Variants in DNAH7 observed in about 807,000 individuals in gnomAD.
DNAH7 encodes the protein axonemal beta dynein heavy chain 7.
In DNAH7, 397 loss-of-function variants were observed where a neutral mutation model predicts 444.6. That is an observed-to-expected ratio of 0.89 (90% CI 0.82 to 0.97). DNAH7 has a LOEUF of 0.97. Among genes scored for constraint, DNAH7 ranks in the 50% least tolerant of loss-of-function variants. DNAH7 has a pLI of 0.00. For synonymous variants in DNAH7, 1,636 were observed against 1,624.4 expected, an observed-to-expected ratio of 1.01 and a Z score of -0.17; for missense variants, 4,902 against 4,800.8, an observed-to-expected ratio of 1.02 and a Z score of -0.62.
intron 10 of DNAH7, among the ~76,000 whole-genome samples, chr2:196,009,045 C>T (rs1694561010): frequency 6.6e-6 from 1 of 152,100 alleles, no homozygotes; most frequent in South Asian, 2.1e-4. Flanking sequence ...AGGAAGGTGC[C>T]ATACACTTTT....
rs541586936 is a variant in DNAH7 at position 195,981,711 on chromosome 2, G to A, written c.1833+2921C>T. ...GAAAAATGCCAAGAACATACCTTGG[G>A]ATAAGGACAGTCTCTTCAATAAATG... is the stretch of plus-strand genomic sequence containing the variant. On this transcript the variant is annotated intron_variant, in intron 15 of 64. Transcript: ENST00000312428. 5.3e-5 allele frequency among the ~76,000 whole-genome samples: 8 copies of A among 152,262 alleles called. No individual in the cohort carries two copies. The East Asian group carries it at 1.4e-3, about 26-fold the overall frequency.
rs765358431 is a variant in DNAH7 at position 195,796,731 on chromosome 2, C to G, written c.10360G>C (p.Gly3454Arg). The G allele has an allele frequency of 3.1e-6, 5 of 1,613,686 alleles. No individual in the cohort carries two copies. The highest frequency in any genetic ancestry group is 2.5e-6 in the Non-Finnish European group (3 of 1,179,796). ...GATAAAGAGCTAAGTTTTGATCCCC[C>G]ATATCCCTGTGTACAAGAATAGTAG... ...LLKFADDQGY[G>R]GSKLSSLSLG... is the part of the protein sequence containing the mutation. Residue 3454 changes from glycine (G) to arginine (R), a missense_variant, in exon 56 of 65, where the codon GGG becomes CGG. Physicochemically the swap from Gly to Arg is moderately radical, Grantham distance 125. Coordinates refer to ENST00000312428, the MANE Select transcript of DNAH7 (RefSeq NM_018897.3).
intron 55 of DNAH7, among the ~76,000 whole-genome samples, chr2:195,798,537 A>ATTTTTTTTT (rs754058331): frequency 9.3e-6 from 1 of 107,468 alleles, no homozygotes; most frequent in African/African-American, 3.5e-5. Context: ...AAATAGTAGA[A>ATTTTTTTTT]TTTTTTTTTT....
chr2:195,965,071 T>C (rs1218295217), intron 17 of DNAH7, among the ~76,000 whole-genome samples: 1 of 152,180 alleles, frequency 6.6e-6, no homozygotes, highest in Non-Finnish European at 1.5e-5. Context: ...TTCTTTCAGT[T>C]TTTCCCCATT....
At chr2:195,778,669 T>TATATATATACAC (rs1446625777) in intron 58 of DNAH7, among the ~76,000 whole-genome samples, 4 of 64,064 alleles carry the variant, frequency 6.2e-5, no homozygotes, top group African/African-American at 1.6e-4. Context: ...TATATATATA[T>TATATATATACAC]ACACACACAC....
chr2:195,778,618 G>GGAAAA (rs1365539221), intron 58 of DNAH7, among the ~76,000 whole-genome samples: 1,060 of 21,666 alleles, frequency 0.049, 94 homozygotes, highest in African/African-American at 0.053. Flanking sequence ...GACCCTGTCT[G>GGAAAA]AAAAAAAAAA....
intron 43 of DNAH7, among the ~76,000 whole-genome samples, chr2:195,857,972 T>C (rs1324875082): frequency 6.6e-6 from 1 of 152,158 alleles, no homozygotes; most frequent in East Asian, 1.9e-4. Context: ...CTTTCACATC[T>C]TAACTTTTAA....
At chr2:195,889,257 C>T (rs1416956558) in intron 31 of DNAH7, among the ~76,000 whole-genome samples, 2 of 151,628 alleles carry the variant, frequency 1.3e-5, no homozygotes, top group Non-Finnish European at 2.9e-5. Flanking sequence ...TTCCTTCCTT[C>T]CTTTCTTTCC....
At chr2:195,796,303 C>T (rs978555953) in intron 56 of DNAH7, among the ~76,000 whole-genome samples, 2 of 152,172 alleles carry the variant, frequency 1.3e-5, no homozygotes, top group Non-Finnish European at 2.9e-5. Context: ...GTTTACTCTC[C>T]TCCTTCAGCC....
chr2:195,875,833 A>G lies in DNAH7; in HGVS notation c.6128T>C (p.Val2043Ala), dbSNP rs1343637985. ...CCGAGCAGGCATATTGACATCATCT[A>G]CAAAGACAACCTGAGAATGAGAAGA... ...PPLGKRMVVF[V>A]DDVNMPAREV... The change falls in exon 38 of 65, where the codon GTA (valine) becomes GCA (alanine). Residue 2043 changes from valine (V) to alanine (A), a missense_variant. Coordinates refer to ENST00000312428, the MANE Select transcript of DNAH7 (RefSeq NM_018897.3). 6.2e-7 allele frequency: 1 copy of G among 1,601,904 alleles called. No individual in the cohort carries two copies. Among genetic ancestry groups the G allele is most frequent in the South Asian group, 1.1e-5 (1 of 88,218 alleles).
chr2:196,014,539 G>A (rs1694903217), intron 9 of DNAH7, among the ~76,000 whole-genome samples: 1 of 151,986 alleles, frequency 6.6e-6, no homozygotes, highest in South Asian at 2.1e-4. Flanking sequence ...GTCACTTAAT[G>A]CTCACCCCAA....
rs560279237 is a variant in DNAH7, at chr2:195,945,648, A to G, written c.3079-8856T>C. Among the ~76,000 whole-genome samples the G allele has an allele frequency of 1.1e-3, 169 of 152,322 alleles. 2 individuals are homozygous for G. Among genetic ancestry groups the G allele is most frequent in the African/African-American group, 3.9e-3 (161 of 41,568 alleles). Reference sequence around the variant, plus strand: ...TTTCAGCTCACTAGATAGAGGTGAAATGCTTGTTGCCAAATTACATTTACT... The same window carrying G: ...TTTCAGCTCACTAGATAGAGGTGAAGTGCTTGTTGCCAAATTACATTTACT... On this transcript the variant is annotated intron_variant, in intron 19 of 64. Transcript: ENST00000312428.
At chr2:195,930,481 T>C (rs1205582102) in intron 21 of DNAH7, among the ~76,000 whole-genome samples, 1 of 152,120 alleles carries the variant, frequency 6.6e-6, no homozygotes, top group Non-Finnish European at 1.5e-5. Flanking sequence ...TGAGATATCA[T>C]CTCACCCCAC....
intron 61 of DNAH7, among the ~76,000 whole-genome samples, chr2:195,760,614 G>A (rs1694305211): frequency 6.6e-6 from 1 of 152,090 alleles, no homozygotes; most frequent in African/African-American, 2.4e-5. Context: ...ACAAAGGGAA[G>A]AGAACAAGAC....
At chr2:195,751,295 C>T (rs912217715) in intron 63 of DNAH7, among the ~76,000 whole-genome samples, 1 of 152,050 alleles carries the variant, frequency 6.6e-6, no homozygotes, top group Non-Finnish European at 1.5e-5. Flanking sequence ...TGTGTTTCTG[C>T]AATAAAACTG....
At chr2:196,064,809 T>C (rs1385151133) in intron 1 of DNAH7, among the ~76,000 whole-genome samples, 4 of 152,202 alleles carry the variant, frequency 2.6e-5, no homozygotes, top group Non-Finnish European at 5.9e-5. Context: ...CATAGTACAA[T>C]GTATCCATTC....
intron 54 of DNAH7, among the ~76,000 whole-genome samples, chr2:195,800,631 CA>C (rs1696400700): frequency 6.6e-6 from 1 of 152,172 alleles, no homozygotes; most frequent in African/African-American, 2.4e-5. Flanking sequence ...CTGATAAAGT[CA>C]AGCAGGAGAC....
At chr2:195,772,194 C>T (rs1694871769) in intron 60 of DNAH7, among the ~76,000 whole-genome samples, 2 of 152,110 alleles carry the variant, frequency 1.3e-5, no homozygotes, top group African/African-American at 2.4e-5. Context: ...GCAGATGCTG[C>T]AGATAGTGGA....
rs1038200932 is a variant in DNAH7, at chr2:196,067,891, G to A, written c.15+806C>T. Among the ~76,000 whole-genome samples, 6 of 152,156 alleles carry A rather than the reference G, an allele frequency of 3.9e-5. No homozygotes were observed. In the South Asian group the frequency reaches 1.2e-3, roughly 32 times the overall value. ...ATTCATCACTACGTAGAAAGCTAGA[G>A]TTATTTTCTAGCTAGCCAGAATAAT... On this transcript the variant is annotated intron_variant, in intron 1 of 64. Transcript: ENST00000312428.
Sources: gnomAD v4.1 joint callset for allele counts (sites outside exome capture counted in the v4.1 genomes callset) on GRCh38, gnomAD v4.1.1 for gene constraint, MANE v1.5 for transcripts, NCBI Gene and HGNC (gene_info 2026-07-23, HGNC 2026-07-21) for gene names.